Variants in RHOA observed in about 807,000 individuals in gnomAD.
RHOA encodes the protein transforming protein RhoA.
RHOA carries 3 observed loss-of-function variants against 17.5 expected under a neutral mutation model. The observed-to-expected ratio is 0.17, with a 90% CI of 0.08 to 0.44. The LOEUF (loss-of-function observed/expected upper bound fraction) is 0.44. RHOA is among the 20% of genes least tolerant of loss of function. The probability of loss-of-function intolerance (pLI) is 0.99; values close to 1 mark genes in which losing one functional copy is unlikely to be tolerated. For missense variants in RHOA, 56 were observed against 242.3 expected, an observed-to-expected ratio of 0.23 and a Z score of 5.10; for synonymous variants, 98 against 88.4, an observed-to-expected ratio of 1.11 and a Z score of -0.61.
At chr3:49,393,508 G>C (rs1207852893) in intron 1 of RHOA, among the ~76,000 whole-genome samples, 1 of 151,632 alleles carries the variant, frequency 6.6e-6, no homozygotes, top group East Asian at 1.9e-4. Context: ...ATATGGGCCA[G>C]ACGGGTCTCC....
chr3:49,362,706 GA>G, intron 3 of RHOA, 80 bp from the exon 4 acceptor site: 1 of 1,211,336 alleles, frequency 8.3e-7, no homozygotes, highest in Middle Eastern at 2.0e-4. Flanking sequence ...TGAAATTGCA[GA>G]GACACTTTCT....
At chr3:49,411,150 T>C (rs79186983) in intron 1 of RHOA, among the ~76,000 whole-genome samples, 1,749 of 152,240 alleles carry the variant, frequency 0.011, 34 homozygotes, top group African/African-American at 0.041. Flanking sequence ...TGTGTTGTTT[T>C]TTTTTTCCAA....
intron 3 of RHOA, among the ~76,000 whole-genome samples, 155 bp downstream of exon 3, chr3:49,368,273 C>A (rs895390769): frequency 6.6e-6 from 1 of 152,070 alleles, no homozygotes; most frequent in Non-Finnish European, 1.5e-5. Flanking sequence ...GGACCCAAGG[C>A]CCACGCTCTA....
intron 1 of RHOA, among the ~76,000 whole-genome samples, chr3:49,379,383 G>A (rs981369535): frequency 1.3e-5 from 2 of 152,118 alleles, no homozygotes; most frequent in Non-Finnish European, 2.9e-5. Flanking sequence ...CTTGGGGGTG[G>A]AGAGAAATGG....
At chr3:49,369,642 G>A (rs1444251256) in intron 2 of RHOA, among the ~76,000 whole-genome samples, 1 of 151,948 alleles carries the variant, frequency 6.6e-6, no homozygotes, top group African/African-American at 2.4e-5. Context: ...GGCTAAGGCA[G>A]GTGAATTGCT....
intron 1 of RHOA, among the ~76,000 whole-genome samples, chr3:49,409,121 G>C (rs891320024): frequency 1.3e-5 from 2 of 151,916 alleles, no homozygotes; most frequent in East Asian, 4.0e-4. Flanking sequence ...ATGGGTGGGC[G>C]TGGTGGCTCA....
At chr3:49,403,024 G>A (rs1156986593) in intron 1 of RHOA, among the ~76,000 whole-genome samples, 2 of 139,180 alleles carry the variant, frequency 1.4e-5, no homozygotes, top group African/African-American at 5.3e-5. Context: ...GCAACAGAGC[G>A]AGATTCCATC....
intron 1 of RHOA, among the ~76,000 whole-genome samples, chr3:49,400,783 C>T (rs188552385): frequency 2.0e-5 from 3 of 151,754 alleles, no homozygotes; most frequent in African/African-American, 4.8e-5. Flanking sequence ...CGGTGGCTCA[C>T]GCCTGTAATT....
intron 1 of RHOA, among the ~76,000 whole-genome samples, chr3:49,392,742 T>G (rs1575669361): frequency 6.6e-6 from 1 of 152,170 alleles, no homozygotes. Context: ...TACTGGACAG[T>G]GCAGATATAC....
chr3:49,405,220 T>C (rs2048809473), intron 1 of RHOA, among the ~76,000 whole-genome samples: 1 of 141,322 alleles, frequency 7.1e-6, no homozygotes, highest in South Asian at 2.3e-4. Context: ...ATCGCGCCAC[T>C]GCACTCCAGC....
chr3:49,371,143 T>G (rs975096412), intron 2 of RHOA, among the ~76,000 whole-genome samples: 8 of 152,114 alleles, frequency 5.3e-5, no homozygotes, highest in Admixed American at 5.2e-4. Flanking sequence ...CAGCCTCTAT[T>G]GGCGCTTGAT....
In RHOA at chr3:49,360,076, G is replaced by A; in HGVS notation, c.*133C>T. 1 of 1,049,852 alleles carries A rather than the reference G, an allele frequency of 9.5e-7. No homozygotes were observed. The highest frequency in any genetic ancestry group is 1.4e-6 in the Non-Finnish European group (1 of 737,250). The allele number at this position is 1,049,852 out of a possible 1,614,324, so 65.0% of individuals were successfully genotyped here. ...TAATCATAGTTGGCTTCTAAATACTGGTAGCAAGATGACTTCTGATTTGTA... is the reference window on the plus strand; with the variant it reads ...TAATCATAGTTGGCTTCTAAATACTAGTAGCAAGATGACTTCTGATTTGTA... On this transcript the variant is annotated 3_prime_UTR_variant, in exon 5 of 5. Coordinates refer to ENST00000418115, the MANE Select transcript of RHOA (RefSeq NM_001664.4).
chr3:49,390,507 G>A (rs996377670), intron 1 of RHOA, among the ~76,000 whole-genome samples: 6 of 151,064 alleles, frequency 4.0e-5, no homozygotes, highest in African/African-American at 4.9e-5. Context: ...CAGGTAATTC[G>A]CCTGCCTTGG....
At chr3:49,398,600 G>A (rs1245417074) in intron 1 of RHOA, among the ~76,000 whole-genome samples, 1 of 150,538 alleles carries the variant, frequency 6.6e-6, no homozygotes, top group Non-Finnish European at 1.5e-5. Flanking sequence ...AAGGCGGGTG[G>A]ATCACGAGGT....
chr3:49,374,093 GT>G (rs1295929009), intron 2 of RHOA, among the ~76,000 whole-genome samples: 1 of 152,162 alleles, frequency 6.6e-6, no homozygotes, highest in African/African-American at 2.4e-5. Flanking sequence ...GCTCATGCCT[GT>G]AATCCCAGCA....
At chr3:49,371,998 G>T (rs576336844) in intron 2 of RHOA, among the ~76,000 whole-genome samples, 11 of 152,334 alleles carry the variant, frequency 7.2e-5, no homozygotes, top group African/African-American at 2.6e-4. Flanking sequence ...TGGAGAAAAT[G>T]TTAGGATACA....
At chr3:49,370,363 T>A (rs2048130405) in intron 2 of RHOA, among the ~76,000 whole-genome samples, 1 of 152,186 alleles carries the variant, frequency 6.6e-6, no homozygotes, top group Admixed American at 6.5e-5. Context: ...AATAACATTC[T>A]ACTAGGAAAG....
chr3:49,403,442 T>C (rs1638570638), intron 1 of RHOA, among the ~76,000 whole-genome samples: 2 of 152,122 alleles, frequency 1.3e-5, no homozygotes, highest in Non-Finnish European at 2.9e-5. Context: ...TGGCGGTTTG[T>C]GGTGGCTCAT....
intron 1 of RHOA, among the ~76,000 whole-genome samples, chr3:49,406,088 C>T (rs1188159721): frequency 6.6e-6 from 1 of 151,966 alleles, no homozygotes; most frequent in Non-Finnish European, 1.5e-5. Context: ...AGAAATTTTC[C>T]ACACACACAA....
Sources: allele counts gnomAD v4.1 joint callset (sites outside exome capture counted in the v4.1 genomes callset), GRCh38; gene constraint gnomAD v4.1.1; transcripts MANE v1.5; gene names NCBI Gene and HGNC (gene_info 2026-07-23, HGNC 2026-07-21).